LRP1B: variants seen among roughly 807,000 people sequenced by gnomAD.
The protein encoded by LRP1B is low-density lipoprotein receptor-related protein 1B.
A neutral mutation model predicts 556.6 loss-of-function variants in LRP1B; 217 were observed. The ratio of observed to expected loss-of-function variants is 0.39; its 90% CI spans 0.35 to 0.44. The LOEUF (loss-of-function observed/expected upper bound fraction) is 0.44, where lower values mean the gene tolerates loss of function less well. Ranked by LOEUF, LRP1B falls within the 20% of genes least tolerant of loss-of-function variation. LRP1B has a pLI of 1.00. For missense variants in LRP1B, 5,053 were observed against 5,620.8 expected (o/e 0.90, Z 3.23); for synonymous variants, 2,047 against 1,865.8 (o/e 1.10, Z -2.50).
intron 1 of LRP1B, among the ~76,000 whole-genome samples, chr2:142,011,880 G>C (rs766488208): frequency 1.3e-5 from 2 of 152,046 alleles, no homozygotes; most frequent in South Asian, 2.1e-4. Context: ...TTTTAGGTGA[G>C]AGTCTGTCAG....
rs775063688 is a variant in LRP1B, at chr2:140,324,052, G to A, written c.12355C>T (p.His4119Tyr). Residue 4119 changes from histidine (H) to tyrosine (Y), a missense_variant, in exon 81 of 91, where the codon CAT (histidine) becomes TAT (tyrosine). Transcript: ENST00000389484. Reference sequence around the variant, plus strand: ...TAATCTTCAAAGATATCGATCCTATGTGGATGTAATAAACCTGGAATTTTA... The same window carrying A: ...TAATCTTCAAAGATATCGATCCTATATGGATGTAATAAACCTGGAATTTTA... ...VSSKQGLLHP[H>Y]RIDIFEDYIY... 8.7e-6 allele frequency: 14 copies of A among 1,605,220 alleles called. No individual in the cohort carries two copies. The highest frequency in any genetic ancestry group is 1.0e-5 in the Non-Finnish European group (12 of 1,173,800).
At chr2:140,814,171 GCTCA>G (rs1573753797) in intron 31 of LRP1B, among the ~76,000 whole-genome samples, 1 of 151,704 alleles carries the variant, frequency 6.6e-6, no homozygotes, top group South Asian at 2.1e-4. Flanking sequence ...AATAAAAGGG[GCTCA>G]CTATTTTGCT....
chr2:141,923,713 A>T (rs933996100), intron 1 of LRP1B, among the ~76,000 whole-genome samples: 1 of 151,714 alleles, frequency 6.6e-6, no homozygotes. Context: ...ATTAAAAAAA[A>T]AATCCAGAAC....
intron 3 of LRP1B, among the ~76,000 whole-genome samples, chr2:141,266,319 G>A (rs1378098769): frequency 1.1e-4 from 11 of 97,300 alleles, no homozygotes; most frequent in African/African-American, 3.6e-4. Context: ...GCGAGACTCT[G>A]TTTCAAAAAA....
chr2:140,664,576 T>C (rs1685204398), intron 41 of LRP1B, among the ~76,000 whole-genome samples: 1 of 152,108 alleles, frequency 6.6e-6, no homozygotes, highest in South Asian at 2.1e-4. Context: ...TACTTAAAAA[T>C]GCAAAACACT....
intron 1 of LRP1B, among the ~76,000 whole-genome samples, chr2:141,886,624 G>A (rs1408491342): frequency 6.6e-6 from 1 of 152,142 alleles, no homozygotes; most frequent in Non-Finnish European, 1.5e-5. Flanking sequence ...ATAGCTCCCA[G>A]TACATCTGCC....
At chr2:140,887,539 G>C (rs1693675214) in intron 23 of LRP1B, among the ~76,000 whole-genome samples, 1 of 152,070 alleles carries the variant, frequency 6.6e-6, no homozygotes, top group Admixed American at 6.6e-5. Context: ...TTAAATGTAA[G>C]AGCAGCAAAA....
At chr2:141,668,802 A>G (rs1391751545) in intron 2 of LRP1B, among the ~76,000 whole-genome samples, 2 of 152,182 alleles carry the variant, frequency 1.3e-5, no homozygotes, top group African/African-American at 4.8e-5. Context: ...CACTGTAACA[A>G]GCCTACTGGG....
intron 11 of LRP1B, among the ~76,000 whole-genome samples, chr2:141,020,427 G>A (rs112090671): frequency 1.3e-5 from 2 of 152,036 alleles, no homozygotes; most frequent in African/African-American, 2.4e-5. Context: ...GAACATACAA[G>A]TGATAGGAGC....
rs1471494375 is a variant in LRP1B at position 141,790,166 on chromosome 2, CTT to C, written c.205+20111_205+20112del. Among the ~76,000 whole-genome samples the C allele has an allele frequency of 3.9e-5, 6 of 152,010 alleles. No individual in the cohort carries two copies. In the South Asian group the frequency reaches 1.2e-3, roughly 32 times the overall value. Reference sequence around the variant, plus strand: ...TGCATAGTTTGTCCCTGGAGATAAACTTTGCAATTTATCTTCAAGTATGTTTT... The same window carrying C: ...TGCATAGTTTGTCCCTGGAGATAAACTGCAATTTATCTTCAAGTATGTTTT... On this transcript the variant is annotated intron_variant, in intron 2 of 90. Coordinates refer to ENST00000389484, the MANE Select transcript of LRP1B (RefSeq NM_018557.3).
intron 6 of LRP1B, among the ~76,000 whole-genome samples, chr2:141,202,514 C>T (rs1250749933): frequency 6.6e-6 from 1 of 152,184 alleles, no homozygotes; most frequent in East Asian, 1.9e-4. Context: ...AATGGTTGAA[C>T]TAATTAACAC....
chr2:141,380,303 C>T (rs548174322), intron 3 of LRP1B, among the ~76,000 whole-genome samples: 1 of 152,128 alleles, frequency 6.6e-6, no homozygotes, highest in East Asian at 1.9e-4. Context: ...TCTTTTCCAG[C>T]TGCTGTCCAA....
chr2:142,004,472 T>C (rs1350380823), intron 1 of LRP1B, among the ~76,000 whole-genome samples: 2 of 151,786 alleles, frequency 1.3e-5, no homozygotes, highest in Non-Finnish European at 2.9e-5. Context: ...ATATGTAATA[T>C]ATATAACATA....
At chr2:140,653,704 T>A (rs573953656) in intron 41 of LRP1B, among the ~76,000 whole-genome samples, 26 of 152,070 alleles carry the variant, frequency 1.7e-4, no homozygotes, top group South Asian at 1.2e-3. Context: ...TGTATGGAGA[T>A]AAATATGCTA....
At chr2:140,736,333 A>G (rs928493380) in intron 35 of LRP1B, among the ~76,000 whole-genome samples, 35 of 152,240 alleles carry the variant, frequency 2.3e-4, no homozygotes, top group African/African-American at 7.7e-4. Context: ...AATCTATTAC[A>G]GTAGGAGGGC....
chr2:140,316,725 T>C (rs1684533805), intron 82 of LRP1B, among the ~76,000 whole-genome samples: 1 of 151,272 alleles, frequency 6.6e-6, no homozygotes, highest in African/African-American at 2.5e-5. Flanking sequence ...GACTAGTAAA[T>C]AAGAAATGGG....
At chr2:141,929,920 A>C (rs941546063) in intron 1 of LRP1B, among the ~76,000 whole-genome samples, 2 of 149,110 alleles carry the variant, frequency 1.3e-5, no homozygotes, top group African/African-American at 5.0e-5. Context: ...AACAAAAAAA[A>C]AAAAAAAAAA....
intron 84 of LRP1B, among the ~76,000 whole-genome samples, chr2:140,297,257 G>C (rs550302042): frequency 6.6e-6 from 1 of 152,108 alleles, no homozygotes; most frequent in African/African-American, 2.4e-5. Flanking sequence ...GAAATATAAA[G>C]CAAGTTTCTC....
At chr2:141,428,002 C>A (rs531244259) in intron 3 of LRP1B, among the ~76,000 whole-genome samples, 9 of 152,096 alleles carry the variant, frequency 5.9e-5, no homozygotes, top group Non-Finnish European at 1.2e-4. Context: ...TATAAAATAC[C>A]TCCCCACCAA....
Sources: allele counts gnomAD v4.1 joint callset (sites outside exome capture counted in the v4.1 genomes callset), GRCh38; gene constraint gnomAD v4.1.1; transcripts MANE v1.5; gene names NCBI Gene and HGNC (gene_info 2026-07-23, HGNC 2026-07-21).